Variants in BAIAP2L1 observed in about 807,000 individuals in gnomAD.
The protein encoded by BAIAP2L1 is BAR/IMD domain-containing adapter protein 2-like 1.
A neutral mutation model predicts 66.3 loss-of-function variants in BAIAP2L1; 35 were observed. The ratio of observed to expected loss-of-function variants is 0.53; its 90% CI spans 0.40 to 0.70. The LOEUF (loss-of-function observed/expected upper bound fraction) is 0.70, where lower values mean the gene tolerates loss of function less well. BAIAP2L1 is among the 30% of genes least tolerant of loss of function. The pLI, the probability that BAIAP2L1 is intolerant of heterozygous loss-of-function variation, is 0.00. For missense variants in BAIAP2L1, 622 were observed against 656.9 expected (o/e 0.95, Z 0.58); for synonymous variants, 269 against 248.7 (o/e 1.08, Z -0.77).
rs35160105 is a variant in BAIAP2L1, at chr7:98,315,625, AAATAAT to A, written c.487-19_487-14del. On this transcript the variant is annotated splice_polypyrimidine_tract_variant and intron_variant, in intron 6 of 13. Transcript: ENST00000005260. ...CGGTCTCCACATACTAAAAAAAAAA[AAATAAT>A]AATAATAATAATTATATAAGCATGA... The A allele has an allele frequency of 1.3e-4, 151 of 1,131,252 alleles. No individual in the cohort carries two copies. The East Asian group carries it at 3.6e-3, about 27-fold the overall frequency. 70.1% of individuals were successfully genotyped at this position (1,131,252 alleles called of 1,614,324 possible). A position where few individuals can be genotyped will look rare whatever the true frequency, so the allele number is the denominator to read the frequency against.
chr7:98,362,257 C>T (rs567354707), intron 2 of BAIAP2L1, 100 bp downstream of exon 2: 7 of 864,898 alleles, frequency 8.1e-6, no homozygotes, highest in Middle Eastern at 3.1e-4. Flanking sequence ...CAATTTTTAA[C>T]CACTTAAAGG....
intron 12 of BAIAP2L1, among the ~76,000 whole-genome samples, chr7:98,296,465 A>C (rs1209285728): frequency 6.6e-6 from 1 of 152,072 alleles, no homozygotes; most frequent in Non-Finnish European, 1.5e-5. Context: ...GTCTCTACTA[A>C]AAATACAAAA....
chr7:98,357,506 A>C (rs1020506697), intron 2 of BAIAP2L1, among the ~76,000 whole-genome samples: 1 of 149,736 alleles, frequency 6.7e-6, no homozygotes, highest in African/African-American at 2.5e-5. Flanking sequence ...GGCAGAGGTT[A>C]CAGTGAGCTG....
At chr7:98,350,912 A>G (rs898521831) in intron 3 of BAIAP2L1, among the ~76,000 whole-genome samples, 2 of 151,898 alleles carry the variant, frequency 1.3e-5, no homozygotes, top group African/African-American at 4.8e-5. Flanking sequence ...GCTGGACTGT[A>G]GTGGAGCGAT....
chr7:98,399,901 C>G (rs1584514400), intron 1 of BAIAP2L1: 1 of 152,264 alleles, frequency 6.6e-6, no homozygotes, highest in Middle Eastern at 3.4e-3. Context: ...TATATAAAAG[C>G]CAAGTTCAAC....
intron 2 of BAIAP2L1, among the ~76,000 whole-genome samples, chr7:98,361,967 A>G (rs1409940511): frequency 6.6e-6 from 1 of 152,240 alleles, no homozygotes; most frequent in Non-Finnish European, 1.5e-5. Flanking sequence ...GGGGAAAAAA[A>G]GATGAAAAAA....
intron 1 of BAIAP2L1, among the ~76,000 whole-genome samples, chr7:98,387,138 C>T (rs1584504817): frequency 6.6e-6 from 1 of 152,124 alleles, no homozygotes; most frequent in South Asian, 2.1e-4. Context: ...AAGGCCAGCC[C>T]CCGCTGGGAC....
At position 98,312,272 on chromosome 7, in the gene BAIAP2L1, G is replaced by C; in HGVS notation, c.640-8C>G. ...ATTCAGTAGTTCTGCAGACTGCAAAGCCAAAAGAAGAAGACTAAAGACAAA... is the reference window on the plus strand; with the variant it reads ...ATTCAGTAGTTCTGCAGACTGCAAACCCAAAAGAAGAAGACTAAAGACAAA... On this transcript the variant is annotated splice_region_variant and splice_polypyrimidine_tract_variant and intron_variant, in intron 7 of 13. Transcript: ENST00000005260. 3 of 1,595,520 alleles carry C rather than the reference G, an allele frequency of 1.9e-6. No homozygotes were observed. Among genetic ancestry groups the C allele is most frequent in the South Asian group, 1.1e-5 (1 of 88,066 alleles).
At chr7:98,400,263 GGGA>G (rs1010175469) in intron 1 of BAIAP2L1, 8 of 122,294 alleles carry the variant, frequency 6.5e-5, no homozygotes, top group African/African-American at 9.9e-5. Context: ...AGAAGGGACG[GGGA>G]GGAGAAGGGA....
chr7:98,345,066 G>C (rs1373947186), intron 3 of BAIAP2L1, among the ~76,000 whole-genome samples: 1 of 152,212 alleles, frequency 6.6e-6, no homozygotes, highest in Non-Finnish European at 1.5e-5. Flanking sequence ...CCATGAGGCT[G>C]AGGCAGGAGG....
intron 9 of BAIAP2L1, 195 bp downstream of exon 9, chr7:98,310,250 T>C (rs1260461129): frequency 1.8e-6 from 1 of 548,766 alleles, no homozygotes; most frequent in Admixed American, 4.1e-5. Context: ...ATGTATCACT[T>C]ATCAGAGCGT....
chr7:98,337,548 T>C (rs1053894514), intron 3 of BAIAP2L1, among the ~76,000 whole-genome samples: 3 of 152,276 alleles, frequency 2.0e-5, no homozygotes, highest in African/African-American at 7.2e-5. Context: ...GTTAATGGCA[T>C]TGCTGCCAGA....
At chr7:98,343,733 T>C (rs1801803676) in intron 3 of BAIAP2L1, among the ~76,000 whole-genome samples, 1 of 152,232 alleles carries the variant, frequency 6.6e-6, no homozygotes, top group Non-Finnish European at 1.5e-5. Context: ...CAAGCAACTG[T>C]ATGACACAAG....
chr7:98,334,171 GAAA>G (rs907821052), intron 3 of BAIAP2L1, among the ~76,000 whole-genome samples: 5 of 151,968 alleles, frequency 3.3e-5, no homozygotes, highest in African/African-American at 1.2e-4. Flanking sequence ...CAAATAAGAA[GAAA>G]AAGAGAGATC....
chr7:98,336,777 G>A (rs1336352838), intron 3 of BAIAP2L1, among the ~76,000 whole-genome samples: 1 of 152,200 alleles, frequency 6.6e-6, no homozygotes, highest in Non-Finnish European at 1.5e-5. Context: ...TGAAAATGAA[G>A]TGCCCTACAA....
At chr7:98,377,894 G>A (rs1324593857) in intron 1 of BAIAP2L1, among the ~76,000 whole-genome samples, 4 of 141,098 alleles carry the variant, frequency 2.8e-5, no homozygotes, top group African/African-American at 5.2e-5. Context: ...TTGGGAGGCC[G>A]AGACGGGCGG....
At chr7:98,293,681 C>A (rs1800064410) in intron 13 of BAIAP2L1, 85 bp from the exon 14 acceptor site, 1 of 1,354,450 alleles carries the variant, frequency 7.4e-7, no homozygotes, top group South Asian at 1.2e-5. Flanking sequence ...CGTTCTTGCC[C>A]TGTGAGACTG....
chr7:98,371,744 C>T (rs557644085), intron 1 of BAIAP2L1, among the ~76,000 whole-genome samples: 1 of 151,988 alleles, frequency 6.6e-6, no homozygotes, highest in Admixed American at 6.6e-5. Context: ...TATGACTAGC[C>T]AGATAAGCTG....
rs772783029 is a variant in BAIAP2L1 at position 98,291,675 on chromosome 7, A to C, written c.*1846T>G. Reference sequence around the variant, plus strand: ...TGTTTTCAAGTTCTGCTTTATTATTAAAGTTGTAATCCCTTGATATTTACA... The same window carrying C: ...TGTTTTCAAGTTCTGCTTTATTATTCAAGTTGTAATCCCTTGATATTTACA... On this transcript the variant is annotated 3_prime_UTR_variant, in exon 14 of 14. Coordinates refer to ENST00000005260, the MANE Select transcript of BAIAP2L1 (RefSeq NM_018842.5). The C allele has an allele frequency of 6.6e-6, 2 of 301,756 alleles. No homozygotes were observed. The highest frequency in any genetic ancestry group is 1.8e-3 in the Middle Eastern group (1 of 560). The allele number at this position is 301,756 out of a possible 1,614,324, so 18.7% of individuals were successfully genotyped here. A position where few individuals can be genotyped will look rare whatever the true frequency, so the allele number is the denominator to read the frequency against.
Sources: allele counts gnomAD v4.1 joint callset (sites outside exome capture counted in the v4.1 genomes callset), GRCh38; gene constraint gnomAD v4.1.1; transcripts MANE v1.5; gene names NCBI Gene and HGNC (gene_info 2026-07-23, HGNC 2026-07-21).